Variants in CIITA observed in about 807,000 individuals in gnomAD.
CIITA encodes MHC class II transactivator.
A neutral mutation model predicts 115.1 loss-of-function variants in CIITA; 72 were observed. That is an observed-to-expected ratio of 0.63 (90% CI 0.52 to 0.76). The LOEUF (loss-of-function observed/expected upper bound fraction) is 0.76. CIITA is among the 30% of genes least tolerant of loss of function. CIITA has a pLI of 0.00. For missense variants in CIITA, 1,617 were observed against 1,463.8 expected (o/e 1.10, Z -1.71); for synonymous variants, 763 against 635.6 (o/e 1.20, Z -3.02).
intron 1 of CIITA, chr16:10,888,399 C>G (rs560995100): frequency 7.2e-5 from 11 of 152,262 alleles, no homozygotes; most frequent in Non-Finnish European, 1.3e-4. Flanking sequence ...CTCCATTCAT[C>G]TCCCACCAGC....
At chr16:10,913,144 G>T (rs1012552721) in intron 13 of CIITA, among the ~76,000 whole-genome samples, 2 of 152,304 alleles carry the variant, frequency 1.3e-5, no homozygotes, top group African/African-American at 4.8e-5. Context: ...CTTTGCACCG[G>T]CTGTGCCCTC....
In CIITA at chr16:10,899,013, C is replaced by T; in HGVS notation, c.436+11C>T. ...AAAGTCAGAAAAGACGTGAGTGAGC[C>T]CCTCCCTGATCCAACCTAGCCTTGC... On this transcript the variant is annotated intron_variant, in intron 5 of 19. Coordinates refer to ENST00000324288, the MANE Select transcript of CIITA (RefSeq NM_000246.4). 3 of 1,613,716 alleles carry T rather than the reference C, an allele frequency of 1.9e-6. No homozygotes were observed. Among genetic ancestry groups the T allele is most frequent in the Non-Finnish European group, 2.5e-6 (3 of 1,179,754 alleles).
rs752182694 is a variant in CIITA at position 10,908,198 on chromosome 16, T to G, written c.2657+49T>G. 28 of 1,547,754 alleles carry G rather than the reference T, an allele frequency of 1.8e-5. No individual in the cohort carries two copies. In the South Asian group the frequency reaches 3.1e-4, roughly 17 times the overall value. On this transcript the variant is annotated intron_variant, in intron 11 of 19. Transcript: ENST00000324288. ...AGACATCCTTGTGTTGGGCATTAACTGCGGTCTTGGTGCCAAGCCCAGTGC... is the reference window on the plus strand; with the variant it reads ...AGACATCCTTGTGTTGGGCATTAACGGCGGTCTTGGTGCCAAGCCCAGTGC...
chr16:10,920,236 C>T lies in CIITA; in HGVS notation c.3149+1710C>T, dbSNP rs2040198027. ...GGAAGGCGACACTTGATCTGATTTA[C>T]ACTTTTCTTTTTTCTTTTCTTTTCT... On this transcript the variant is annotated intron_variant, in intron 16 of 19. Transcript: ENST00000324288. This position sits in a 1 kb window ranked among gnomAD's most constrained non-coding sequence, Gnocchi z 4.5. Among the ~76,000 whole-genome samples the T allele has an allele frequency of 6.6e-6, 1 of 152,140 alleles. No individual in the cohort carries two copies. Among genetic ancestry groups the T allele is most frequent in the Non-Finnish European group, 1.5e-5 (1 of 68,020 alleles).
intron 15 of CIITA, chr16:10,916,823 C>A (rs935501689): frequency 2.1e-4 from 81 of 393,432 alleles, no homozygotes; most frequent in Non-Finnish European, 1.2e-4. Flanking sequence ...CATTTCTTTA[C>A]TTACCCAACC....
intron 1 of CIITA, among the ~76,000 whole-genome samples, chr16:10,869,194 A>T (rs2035302628): frequency 6.6e-6 from 1 of 152,106 alleles, no homozygotes; most frequent in Admixed American, 6.5e-5. Context: ...GAAAAAGCTA[A>T]ATCTGGACAA....
chr16:10,936,618 T>C (rs187061932), downstream of CIITA: 1 of 152,356 alleles, frequency 6.6e-6, no homozygotes, highest in African/African-American at 2.4e-5. Context: ...GTTTGTTTGT[T>C]TGTTTTTAAT....
Position 10,923,310 on chromosome 16 carries a change from C to A in CIITA, c.*7C>A, listed in dbSNP as rs1174007778. ...ACGGATCAGCCTGAGATGATCCCAGCTGTGCTCTGGACAGGGTAACCAGGG... is the reference window on the plus strand; with the variant it reads ...ACGGATCAGCCTGAGATGATCCCAGATGTGCTCTGGACAGGGTAACCAGGG... On this transcript the variant is annotated 3_prime_UTR_variant, in exon 19 of 20. Transcript: ENST00000324288. This position sits in a 1 kb window ranked among gnomAD's most constrained non-coding sequence, Gnocchi z 5.2. 1 of 1,511,008 alleles carries A rather than the reference C, an allele frequency of 6.6e-7. No individual in the cohort carries two copies. 93.6% of individuals were successfully genotyped at this position (1,511,008 alleles called of 1,614,324 possible). A position where few individuals can be genotyped will look rare whatever the true frequency, so the allele number is the denominator to read the frequency against.
At chr16:10,897,284 C>T (rs761021908) in intron 3 of CIITA, among the ~76,000 whole-genome samples, 16 of 152,270 alleles carry the variant, frequency 1.1e-4, no homozygotes, top group Middle Eastern at 3.4e-3. Flanking sequence ...TGGGGCATCA[C>T]GAGGCAAGAG....
In CIITA at chr16:10,901,688, G is replaced by T. The variant is rs751632440; in HGVS notation, c.481+130G>T. The T allele has an allele frequency of 3.8e-6, 4 of 1,042,098 alleles. No homozygotes were observed. Among genetic ancestry groups the T allele is most frequent in the Non-Finnish European group, 5.8e-6 (4 of 693,836 alleles). The allele number at this position is 1,042,098 out of a possible 1,614,324, so 64.6% of individuals were successfully genotyped here. A position where few individuals can be genotyped will look rare whatever the true frequency, so the allele number is the denominator to read the frequency against. On this transcript the variant is annotated intron_variant, in intron 6 of 19. Transcript: ENST00000324288. This position sits in a 1 kb window ranked among gnomAD's most constrained non-coding sequence, Gnocchi z 6.8. ...CAGCCCCTGCCCTTCTTTGGGTAGA[G>T]GCTGAGAGCTTGGGGTCCCTTAGAG...
intron 1 of CIITA, among the ~76,000 whole-genome samples, chr16:10,884,198 C>T (rs2036703475): frequency 7.2e-6 from 1 of 139,104 alleles, no homozygotes; most frequent in African/African-American, 2.6e-5. Context: ...CTAGGGATTG[C>T]AGCCAATTTT....
Position 10,923,414 on chromosome 16 carries a change from C to A in CIITA, c.*22+89C>A. On this transcript the variant is annotated intron_variant, in intron 19 of 19. Coordinates refer to ENST00000324288, the MANE Select transcript of CIITA (RefSeq NM_000246.4). This position sits in a 1 kb window ranked among gnomAD's most constrained non-coding sequence, Gnocchi z 5.2. ...TGGCATTCAAAAAATGTGGGCGGGACACAGGTGGGGCTAGGCCACCACCCT... is the reference window on the plus strand; with the variant it reads ...TGGCATTCAAAAAATGTGGGCGGGAAACAGGTGGGGCTAGGCCACCACCCT... The A allele has an allele frequency of 1.9e-6, 2 of 1,051,014 alleles. No homozygotes were observed. The highest frequency in any genetic ancestry group is 2.9e-6 in the Non-Finnish European group (2 of 680,890). 65.1% of individuals were successfully genotyped at this position (1,051,014 alleles called of 1,614,324 possible). A position where few individuals can be genotyped will look rare whatever the true frequency, so the allele number is the denominator to read the frequency against.
chr16:10,910,178 T>C lies in CIITA; in HGVS notation c.2817-10T>C, dbSNP rs75381106. 2.4e-4 allele frequency: 383 copies of C among 1,613,432 alleles called. No individual in the cohort carries two copies. The highest frequency in any genetic ancestry group is 1.2e-3 in the Middle Eastern group (7 of 6,072). ...TGCCTGCTCCCCCTAACATTGCCTG[T>C]TCTCTCCAGGACGAGAAGTTCCTCG... On this transcript the variant is annotated splice_polypyrimidine_tract_variant and intron_variant, in intron 12 of 19. Transcript: ENST00000324288.
intron 1 of CIITA, among the ~76,000 whole-genome samples, chr16:10,869,355 G>A (rs188350252): frequency 4.6e-5 from 7 of 152,264 alleles, no homozygotes; most frequent in Admixed American, 6.5e-5. Flanking sequence ...TGCACATGCC[G>A]TTCCCTCTGC....
At chr16:10,895,134 C>T (rs2037991218) in intron 1 of CIITA, 148 bp from the exon 2 acceptor site, 3 of 855,168 alleles carry the variant, frequency 3.5e-6, no homozygotes, top group African/African-American at 3.3e-5. Context: ...CTCTCTCCAC[C>T]ACGCTGAGCA....
At chr16:10,895,955 G>T (rs951727620) in intron 3 of CIITA, among the ~76,000 whole-genome samples, 191 bp downstream of exon 3, 1 of 151,950 alleles carries the variant, frequency 6.6e-6, no homozygotes, top group South Asian at 2.1e-4. Context: ...GCCAGTGGGG[G>T]AAATAGGCCC....
chr16:10,929,102 C>G lies in CIITA; in HGVS notation c.*5247C>G. On this transcript the variant is annotated 3_prime_UTR_variant, in exon 20 of 20. Coordinates refer to ENST00000324288, the MANE Select transcript of CIITA (RefSeq NM_000246.4). This position sits in a 1 kb window ranked among gnomAD's most constrained non-coding sequence, Gnocchi z 4.3. ...GAAATGAAGGAGCGAGAATCCCACCCTCAGCCCCCCAACAGCTTCCTCAGC... is the reference window on the plus strand; with the variant it reads ...GAAATGAAGGAGCGAGAATCCCACCGTCAGCCCCCCAACAGCTTCCTCAGC... 1 of 629,040 alleles carries G rather than the reference C, an allele frequency of 1.6e-6. No homozygotes were observed. Among genetic ancestry groups the G allele is most frequent in the Non-Finnish European group, 2.0e-6 (1 of 504,264 alleles). The allele number at this position is 629,040 out of a possible 1,614,324, so 39.0% of individuals were successfully genotyped here.
chr16:10,919,614 A>G (rs1271880465), intron 16 of CIITA, among the ~76,000 whole-genome samples: 1 of 151,768 alleles, frequency 6.6e-6, no homozygotes, highest in Non-Finnish European at 1.5e-5. Context: ...ACTGAAGCGA[A>G]CCTCCCACCT....
At chr16:10,938,634 C>T (rs1038971705), downstream of CIITA, 1 of 152,166 alleles carries the variant, frequency 6.6e-6, no homozygotes, top group Non-Finnish European at 1.5e-5. This position sits in a 1 kb window ranked among gnomAD's most constrained non-coding sequence, Gnocchi z 4.9. Flanking sequence ...GCTAGCTACC[C>T]CTCTCATACC....
Sources: gnomAD v4.1 joint callset for allele counts (sites outside exome capture counted in the v4.1 genomes callset) on GRCh38, gnomAD v4.1.1 for gene constraint, Gnocchi (gnomAD v3.1) non-coding constraint, MANE v1.5 for transcripts, NCBI Gene and HGNC (gene_info 2026-07-23, HGNC 2026-07-21) for gene names.